Variants in EPB42 observed in about 807,000 individuals in gnomAD.
The protein encoded by EPB42 is protein 4.2.
In EPB42, 49 loss-of-function variants were observed where a neutral mutation model predicts 76.9. The ratio of observed to expected loss-of-function variants is 0.64; its 90% CI spans 0.51 to 0.81. EPB42 has a LOEUF of 0.81. Ranked by LOEUF, EPB42 falls within the 30% of genes least tolerant of loss-of-function variation. EPB42 has a pLI of 0.00. For missense variants in EPB42, 731 were observed against 867.6 expected (o/e 0.84, Z 1.98); for synonymous variants, 310 against 338.4 (o/e 0.92, Z 0.92).
At chr15:43,208,552 C>G in intron 7 of EPB42, 85 bp downstream of exon 7, 1 of 1,596,478 alleles carries the variant, frequency 6.3e-7, no homozygotes, top group Admixed American at 1.7e-5. Flanking sequence ...CAGGGCCATG[C>G]AGGGGGTGGG....
chr15:43,197,761 G>A (rs559726583), intron 12 of EPB42, among the ~76,000 whole-genome samples: 25 of 152,276 alleles, frequency 1.6e-4, no homozygotes, highest in Admixed American at 3.9e-4. Flanking sequence ...ATTGGAGTTT[G>A]TTTGGAAGAG....
intron 5 of EPB42, among the ~76,000 whole-genome samples, chr15:43,209,893 T>C (rs2042267688): frequency 6.6e-6 from 1 of 152,210 alleles, no homozygotes; most frequent in Non-Finnish European, 1.5e-5. Context: ...AACACATGAC[T>C]CCTCTGAGAG....
intron 9 of EPB42, 140 bp downstream of exon 9, chr15:43,207,059 G>T: frequency 7.9e-7 from 1 of 1,272,564 alleles, no homozygotes; most frequent in Non-Finnish European, 1.1e-6. Context: ...TGTCAATGGT[G>T]TCAAATGGGG....
intron 2 of EPB42, 130 bp downstream of exon 2, chr15:43,216,138 G>A (rs1337452238): frequency 5.4e-6 from 6 of 1,113,256 alleles, no homozygotes; most frequent in Non-Finnish European, 7.9e-6. Flanking sequence ...TGCCCTGCCA[G>A]GTGGGCAGGA....
Position 43,206,369 on chromosome 15 carries a change from A to G in EPB42, c.1579T>C (p.Trp527Arg), listed in dbSNP as rs374687434. 6.2e-7 allele frequency: 1 copy of G among 1,613,206 alleles called. No homozygotes were observed. Among genetic ancestry groups the G allele is most frequent in the African/African-American group, 1.3e-5 (1 of 74,898 alleles). ...HYNGVLAAKL[W>R]RKKLHLTLSA... ...AGCGTGAGGTGCAGCTTCTTCCTCC[A>G]GAGCTTGGCAGCAAGGACACCGTTG... The change falls in exon 10 of 13, where the codon TGG becomes CGG. Residue 527 changes from tryptophan to arginine, a missense_variant. Trp to Arg is a moderately radical substitution (Grantham distance 101, BLOSUM62 -3). Transcript: ENST00000441366. This position sits in a 1 kb window ranked among gnomAD's most constrained non-coding sequence, Gnocchi z 4.7.
intron 7 of EPB42, 139 bp from the exon 8 acceptor site, chr15:43,208,472 G>A: frequency 4.3e-6 from 6 of 1,384,228 alleles, no homozygotes; most frequent in Non-Finnish European, 6.1e-6. Context: ...GCACTCCCAG[G>A]AAGGGGCGTG....
In EPB42 at chr15:43,206,390, C is replaced by T. The variant is rs536495991; in HGVS notation, c.1558G>A (p.Gly520Ser). 4.3e-6 allele frequency: 7 copies of T among 1,614,092 alleles called. No individual in the cohort carries two copies. Among genetic ancestry groups the T allele is most frequent in the African/African-American group, 2.7e-5 (2 of 75,010 alleles). ...CTCCAGAGCTTGGCAGCAAGGACACCGTTGTAGTGTACAGCCTGGACCCCA... is the reference window on the plus strand; with the variant it reads ...CTCCAGAGCTTGGCAGCAAGGACACTGTTGTAGTGTACAGCCTGGACCCCA... Reference protein sequence around the residue: ...AIGVQAVHYNGVLAAKLWRKK... With the variant: ...AIGVQAVHYNSVLAAKLWRKK... Residue 520 changes from glycine to serine, a missense_variant, in exon 10 of 13, where the codon GGT becomes AGT. Transcript: ENST00000441366. The surrounding 1 kb of genome is among the most constrained non-coding windows in gnomAD (Gnocchi z 4.7).
At position 43,201,950 on chromosome 15, in the gene EPB42, G is replaced by T. The variant is rs1447811116; in HGVS notation, c.1807C>A (p.Pro603Thr). The T allele has an allele frequency of 6.2e-7, 1 of 1,614,140 alleles. No individual in the cohort carries two copies. The highest frequency in any genetic ancestry group is 8.5e-7 in the Non-Finnish European group (1 of 1,180,008). ...KMPEKAEQYQPLTASVSLQNS... is the reference protein window; with the variant it reads ...KMPEKAEQYQTLTASVSLQNS... ...TGGAGGCTGACTGAGGCTGTGAGGGGTTGATACTGCTCTGCTTTCTCTGGC... is the reference window on the plus strand; with the variant it reads ...TGGAGGCTGACTGAGGCTGTGAGGGTTTGATACTGCTCTGCTTTCTCTGGC... The change falls in exon 12 of 13, where the codon CCC becomes ACC. Residue 603 changes from proline (P) to threonine (T), a missense_variant. Pro to Thr is a conservative substitution (Grantham distance 38). Coordinates refer to ENST00000441366, the MANE Select transcript of EPB42 (RefSeq NM_001114134.2).
intron 1 of EPB42, among the ~76,000 whole-genome samples, chr15:43,218,863 G>C (rs1303691441): frequency 1.3e-5 from 2 of 152,204 alleles, no homozygotes; most frequent in African/African-American, 4.8e-5. Context: ...ACTGGGTCTT[G>C]AGGCAATGAT....
intron 5 of EPB42, 46 bp downstream of exon 5, chr15:43,210,289 T>A (rs1214434622): frequency 6.3e-7 from 1 of 1,576,274 alleles, no homozygotes; most frequent in African/African-American, 1.3e-5. Context: ...TCAGAGGGCT[T>A]TTTTCTCACC....
In EPB42 at chr15:43,201,987, G is replaced by A; in HGVS notation, c.1780-10C>T. 1 of 1,613,942 alleles carries A rather than the reference G, an allele frequency of 6.2e-7. No individual in the cohort carries two copies. Among genetic ancestry groups the A allele is most frequent in the Non-Finnish European group, 8.5e-7 (1 of 1,180,004 alleles). On this transcript the variant is annotated splice_polypyrimidine_tract_variant and intron_variant, in intron 11 of 12. Transcript: ENST00000441366. ...CTGCTTTCTCTGGCATCTGTGGGAA[G>A]AGGCAATACCTGGTGTGGATGCCAA...
chr15:43,215,481 G>C (rs186797098), intron 2 of EPB42, among the ~76,000 whole-genome samples, 153 bp from the exon 3 acceptor site: 2 of 152,322 alleles, frequency 1.3e-5, no homozygotes, highest in Admixed American at 1.3e-4. Context: ...TCAAGAAAGA[G>C]TGATAGGAGA....
chr15:43,209,346 G>A lies in EPB42; in HGVS notation c.760C>T (p.Gln254Ter). Residue 254 changes from glutamine (Q) to a stop codon, truncating the protein, a stop_gained, in exon 6 of 13, where the codon CAG becomes TAG. Transcript: ENST00000441366. LOFTEE classifies it high-confidence loss of function. ...KRRGSVPILR[Q>*]WLTGRGRPVY... ...GGTCGGCCTCGGCCGGTGAGCCACTGCCGCAGGATGGGCACGCTGCCCCGG... is the reference window on the plus strand; with the variant it reads ...GGTCGGCCTCGGCCGGTGAGCCACTACCGCAGGATGGGCACGCTGCCCCGG... 6.2e-7 allele frequency: 1 copy of A among 1,614,154 alleles called. No homozygotes were observed. Among genetic ancestry groups the A allele is most frequent in the Non-Finnish European group, 8.5e-7 (1 of 1,180,034 alleles).
Position 43,220,920 on chromosome 15 carries a change from C to T in EPB42, c.-95G>A. On this transcript the variant is annotated 5_prime_UTR_variant, in exon 1 of 13. Transcript: ENST00000441366. ...CCTTCTGGGCTTTCTGTCTTCCAGA[C>T]AGAAAATATGAAGGCACTTTTGTTG... The T allele has an allele frequency of 8.2e-7, 1 of 1,219,020 alleles. No homozygotes were observed. The highest frequency in any genetic ancestry group is 1.5e-5 in the African/African-American group (1 of 67,416). The allele number at this position is 1,219,020 out of a possible 1,614,324, so 75.5% of individuals were successfully genotyped here. A position where few individuals can be genotyped will look rare whatever the true frequency, so the allele number is the denominator to read the frequency against.
chr15:43,216,570 A>C, intron 1 of EPB42, 117 bp from the exon 2 acceptor site: 1 of 1,131,070 alleles, frequency 8.8e-7, no homozygotes, highest in Non-Finnish European at 1.3e-6. Context: ...CTTACGTTTT[A>C]GCTGCGCAAT....
intron 1 of EPB42, 152 bp downstream of exon 1, chr15:43,220,664 C>G (rs12914095): frequency 1.0e-6 from 1 of 973,700 alleles, no homozygotes. Context: ...CCCCCCACAG[C>G]CACCTCATTA....
chr15:43,207,072 G>A, intron 9 of EPB42, 127 bp downstream of exon 9: 1 of 1,420,718 alleles, frequency 7.0e-7, no homozygotes, highest in Non-Finnish European at 9.7e-7. Flanking sequence ...AAATGGGGTT[G>A]AGAAACCCTG....
intron 1 of EPB42, 112 bp from the exon 2 acceptor site, chr15:43,216,565 G>T: frequency 8.3e-7 from 1 of 1,198,930 alleles, no homozygotes; most frequent in Non-Finnish European, 1.2e-6. Flanking sequence ...CTCCACTTAC[G>T]TTTTAGCTGC....
At chr15:43,200,623 C>G (rs2042110907) in intron 12 of EPB42, among the ~76,000 whole-genome samples, 1 of 151,978 alleles carries the variant, frequency 6.6e-6, no homozygotes, top group African/African-American at 2.4e-5. Context: ...TTTTATTGGA[C>G]TGGAAGAAAA....
Sources: gnomAD v4.1 joint callset for allele counts (sites outside exome capture counted in the v4.1 genomes callset) on GRCh38, gnomAD v4.1.1 for gene constraint, Gnocchi (gnomAD v3.1) non-coding constraint, MANE v1.5 for transcripts, NCBI Gene and HGNC (gene_info 2026-07-23, HGNC 2026-07-21) for gene names.